MXI1: variants seen among roughly 807,000 people sequenced by gnomAD.
MXI1 encodes the protein MAX interactor 1, dimerization protein.
Under a neutral mutation model 36.9 loss-of-function variants are expected in MXI1, and 18 were observed. The ratio of observed to expected loss-of-function variants is 0.49; its 90% CI spans 0.34 to 0.72. The LOEUF is 0.72. MXI1 is among the 30% of genes least tolerant of loss of function. MXI1 has a pLI of 0.01. For missense variants in MXI1, 304 were observed against 379.1 expected, an observed-to-expected ratio of 0.80 and a Z score of 1.64; for synonymous variants, 160 against 146.7, an observed-to-expected ratio of 1.09 and a Z score of -0.65.
chr10:110,220,784 G>A (rs956287884), intron 1 of MXI1, among the ~76,000 whole-genome samples: 2 of 152,190 alleles, frequency 1.3e-5, no homozygotes, highest in African/African-American at 4.8e-5. Flanking sequence ...AAATATAGAT[G>A]CAGAAATCCT....
At chr10:110,214,455 T>C (rs947610670) in intron 1 of MXI1, among the ~76,000 whole-genome samples, 1 of 151,810 alleles carries the variant, frequency 6.6e-6, no homozygotes, top group Admixed American at 6.6e-5. Context: ...CCTCTGGGCA[T>C]ATTAGAGGAC....
chr10:110,231,365 C>G (rs547437685), intron 2 of MXI1, among the ~76,000 whole-genome samples: 41 of 149,534 alleles, frequency 2.7e-4, no homozygotes, highest in African/African-American at 9.1e-4. Flanking sequence ...ATAATCCACC[C>G]CCCCCCCCTC....
At chr10:110,277,730 T>C (rs1857085933) in intron 3 of MXI1, among the ~76,000 whole-genome samples, 1 of 152,194 alleles carries the variant, frequency 6.6e-6, no homozygotes, top group African/African-American at 2.4e-5. Flanking sequence ...AAATTTGAAA[T>C]GGAAATACTG....
Position 110,246,010 on chromosome 10 carries a change from T to A in MXI1, c.437+1153T>A, listed in dbSNP as rs138729473. Among the ~76,000 whole-genome samples, 4 of 152,092 alleles carry A rather than the reference T, an allele frequency of 2.6e-5. No individual in the cohort carries two copies. In the South Asian group the frequency reaches 8.3e-4, roughly 31 times the overall value. ...TAAGAATTGTAAGAGTAAAATACTT[T>A]CTTTTTGGTGTAGAGATTAGATTAA... On this transcript the variant is annotated intron_variant, in intron 3 of 5. Transcript: ENST00000332674.
intron 2 of MXI1, among the ~76,000 whole-genome samples, chr10:110,230,855 G>T (rs2134361436): frequency 6.6e-6 from 1 of 152,312 alleles, no homozygotes; most frequent in East Asian, 1.9e-4. Context: ...CTGAAACAAG[G>T]AAAGGAATGG....
intron 3 of MXI1, among the ~76,000 whole-genome samples, chr10:110,250,845 A>T (rs535518234): frequency 1.8e-3 from 263 of 150,158 alleles, no homozygotes; most frequent in African/African-American, 4.8e-3. Context: ...AAAAAAAAAA[A>T]AAATAACAAC....
rs61745504 is a variant in MXI1 at position 110,228,202 on chromosome 10, C to G, written c.288C>G (p.Gly96=). ...IEKENKKCEH[G]YASSFPSMPS... ...TGCTTTCTTCAGAGTGTGAACATGG[C>G]TACGCCTCTTCATTCCCGTCCATGC... Residue 96 remains glycine (G), a synonymous_variant, in exon 2 of 6, where the codon GGC becomes GGG. Coordinates refer to ENST00000332674, the MANE Select transcript of MXI1 (RefSeq NM_130439.3). The G allele has an allele frequency of 2.5e-6, 4 of 1,613,992 alleles. No homozygotes were observed. The highest frequency in any genetic ancestry group is 3.4e-6 in the Non-Finnish European group (4 of 1,180,008).
At chr10:110,229,602 A>G (rs1855189735) in intron 2 of MXI1, among the ~76,000 whole-genome samples, 1 of 152,186 alleles carries the variant, frequency 6.6e-6, no homozygotes, top group Non-Finnish European at 1.5e-5. Context: ...TAAGACTACT[A>G]TATAGTTTTT....
intron 1 of MXI1, chr10:110,227,378 G>A (rs1205579922): frequency 1.5e-5 from 15 of 987,474 alleles, no homozygotes; most frequent in Non-Finnish European, 1.8e-5. Context: ...TGTGTGAGAG[G>A]TCGCGCAGGT....
At chr10:110,254,998 C>T (rs1362650112) in intron 3 of MXI1, among the ~76,000 whole-genome samples, 2 of 151,980 alleles carry the variant, frequency 1.3e-5, no homozygotes, top group Non-Finnish European at 2.9e-5. Flanking sequence ...AAACCATCAT[C>T]TATTGGAAGA....
At chr10:110,218,310 C>T (rs1036341439) in intron 1 of MXI1, among the ~76,000 whole-genome samples, 17 of 151,890 alleles carry the variant, frequency 1.1e-4, no homozygotes, top group Non-Finnish European at 1.9e-4. Context: ...ATTAGCCGGG[C>T]GTGGTGGCGG....
intron 3 of MXI1, among the ~76,000 whole-genome samples, chr10:110,255,028 CAT>C (rs1856236474): frequency 6.6e-6 from 1 of 152,006 alleles, no homozygotes; most frequent in African/African-American, 2.4e-5. Flanking sequence ...CCAGGACTTT[CAT>C]AGCTAGAGCA....
Position 110,287,308 on chromosome 10 carries a change from A to C in MXI1, c.*2321A>C, listed in dbSNP as rs985257746. 6 of 152,202 alleles carry C rather than the reference A, an allele frequency of 3.9e-5. No homozygotes were observed. Among genetic ancestry groups the C allele is most frequent in the African/African-American group, 1.4e-4 (6 of 41,438 alleles). 9.4% of individuals were successfully genotyped at this position (152,202 alleles called of 1,614,324 possible). ...AAGAAGTATTAATTTTTTAAAAGAC[A>C]AATCAACTTTGAAGACACAAAAGTT... is the stretch of plus-strand genomic sequence containing the variant. On this transcript the variant is annotated 3_prime_UTR_variant, in exon 6 of 6. Transcript: ENST00000332674.
intron 1 of MXI1, among the ~76,000 whole-genome samples, chr10:110,221,898 C>T (rs567576994): frequency 6.6e-6 from 1 of 152,264 alleles, no homozygotes; most frequent in East Asian, 1.9e-4. Context: ...GGATGTCAGC[C>T]GGCAGCCCTG....
At chr10:110,224,168 G>T (rs549602965) in intron 1 of MXI1, among the ~76,000 whole-genome samples, 10 of 152,136 alleles carry the variant, frequency 6.6e-5, no homozygotes, top group Non-Finnish European at 1.2e-4. Flanking sequence ...CCACGGGAGG[G>T]GGAAACTCCC....
At chr10:110,269,720 G>A (rs574044535) in intron 3 of MXI1, among the ~76,000 whole-genome samples, 2 of 152,318 alleles carry the variant, frequency 1.3e-5, no homozygotes, top group South Asian at 4.1e-4. Context: ...GTTTCAAAAT[G>A]TACTTTACCC....
chr10:110,216,584 T>C (rs977363160), intron 1 of MXI1, among the ~76,000 whole-genome samples: 12 of 151,986 alleles, frequency 7.9e-5, no homozygotes, highest in African/African-American at 2.9e-4. Flanking sequence ...CTAGCTATCA[T>C]TATAGACAGA....
intron 2 of MXI1, among the ~76,000 whole-genome samples, chr10:110,237,816 C>T (rs1855525186): frequency 6.6e-6 from 1 of 152,182 alleles, no homozygotes; most frequent in South Asian, 2.1e-4. Context: ...TCAACTGTCA[C>T]CCGGAGTAGA....
At chr10:110,272,303 A>G (rs990908573) in intron 3 of MXI1, among the ~76,000 whole-genome samples, 19 of 152,248 alleles carry the variant, frequency 1.2e-4, no homozygotes, top group Non-Finnish European at 2.2e-4. Flanking sequence ...TGAGAAATCC[A>G]AAACATTTCT....
Sources: gnomAD v4.1 joint callset for allele counts (sites outside exome capture counted in the v4.1 genomes callset) on GRCh38, gnomAD v4.1.1 for gene constraint, MANE v1.5 for transcripts, NCBI Gene and HGNC (gene_info 2026-07-23, HGNC 2026-07-21) for gene names.